CACNG5: variants seen among roughly 807,000 people sequenced by gnomAD.
CACNG5 encodes the protein calcium voltage-gated channel auxiliary subunit gamma 5.
Under a neutral mutation model 24.8 loss-of-function variants are expected in CACNG5, and 18 were observed. The ratio of observed to expected loss-of-function variants is 0.73; its 90% CI spans 0.50 to 1.08. The LOEUF is 1.08. Among genes scored for constraint, CACNG5 ranks in the 50% least tolerant of loss-of-function variants. The probability of loss-of-function intolerance (pLI) is 0.00; values close to 1 mark genes in which losing one functional copy is unlikely to be tolerated. For synonymous variants in CACNG5, 157 were observed against 149.1 expected (o/e 1.05, Z -0.39); for missense variants, 349 against 367.9 (o/e 0.95, Z 0.42).
At chr17:66,839,265 C>G (rs1471944602) in intron 1 of CACNG5, among the ~76,000 whole-genome samples, 34 of 148,218 alleles carry the variant, frequency 2.3e-4, no homozygotes, top group Non-Finnish European at 3.0e-5. Flanking sequence ...TGGCCACCCC[C>G]ACCCATTCTG....
intron 1 of CACNG5, among the ~76,000 whole-genome samples, chr17:66,841,985 C>A (rs1490074404): frequency 6.6e-6 from 1 of 152,196 alleles, no homozygotes; most frequent in Admixed American, 6.5e-5. Context: ...TGGAGCCAAG[C>A]AAGGAATCAG....
intron 1 of CACNG5, among the ~76,000 whole-genome samples, chr17:66,872,443 G>A (rs1342972841): frequency 3.3e-5 from 5 of 152,160 alleles, no homozygotes; most frequent in Middle Eastern, 3.2e-3. Flanking sequence ...CACTGGGTGA[G>A]AGAATATGTA....
Position 66,885,839 on chromosome 17 carries a change from C to T in CACNG5, c.*599C>T, listed in dbSNP as rs1395203400. On this transcript the variant is annotated 3_prime_UTR_variant, in exon 6 of 6. Coordinates refer to ENST00000533854, the MANE Select transcript of CACNG5 (RefSeq NM_145811.3). Reference sequence around the variant, plus strand: ...TGTCCATGCTCTTCCCTCCCTGACACAGGCTGTGGTGAACTTTTTCTCCTT... The same window carrying T: ...TGTCCATGCTCTTCCCTCCCTGACATAGGCTGTGGTGAACTTTTTCTCCTT... Among the ~76,000 whole-genome samples, 1 of 152,230 alleles carries T rather than the reference C, an allele frequency of 6.6e-6. No homozygotes were observed. The highest frequency in any genetic ancestry group is 1.5e-5 in the Non-Finnish European group (1 of 68,044).
At position 66,848,237 on chromosome 17, in the gene CACNG5, A is replaced by G. The variant is rs149292856; in HGVS notation, c.-104+12987A>G. On this transcript the variant is annotated intron_variant, in intron 1 of 5. Coordinates refer to ENST00000533854, the MANE Select transcript of CACNG5 (RefSeq NM_145811.3). ...AATCCTTCCTGAGGGACGTTGCTCC[A>G]TTTCTGGGTATCCCTGTATTCTCCC... 5.0e-3 allele frequency among the ~76,000 whole-genome samples: 759 copies of G among 152,252 alleles called. 8 individuals are homozygous for G. Among genetic ancestry groups the G allele is most frequent in the African/African-American group, 0.017 (723 of 41,536 alleles).
chr17:66,869,216 T>A (rs1487183793), intron 1 of CACNG5, among the ~76,000 whole-genome samples: 1 of 152,130 alleles, frequency 6.6e-6, no homozygotes. Flanking sequence ...CCCGAGTAGC[T>A]GGGATTACAG....
intron 1 of CACNG5, among the ~76,000 whole-genome samples, chr17:66,859,178 TAA>T (rs1426971943): frequency 6.6e-6 from 1 of 152,214 alleles, no homozygotes; most frequent in Non-Finnish European, 1.5e-5. Context: ...TCATCCATTG[TAA>T]AGTTTTTTTC....
intron 1 of CACNG5, among the ~76,000 whole-genome samples, chr17:66,858,362 AGCAGCTCT>A (rs1180907676): frequency 6.6e-6 from 1 of 152,104 alleles, no homozygotes; most frequent in Non-Finnish European, 1.5e-5. Context: ...ACATCCTTAT[AGCAGCTCT>A]GCAGAGGGAC....
intron 1 of CACNG5, among the ~76,000 whole-genome samples, chr17:66,845,645 G>T (rs1439097653): frequency 6.6e-6 from 1 of 151,992 alleles, no homozygotes; most frequent in Non-Finnish European, 1.5e-5. Flanking sequence ...GCCAACATCG[G>T]TGCCTTCCCA....
chr17:66,852,482 G>T (rs1976719451), intron 1 of CACNG5, among the ~76,000 whole-genome samples: 1 of 151,992 alleles, frequency 6.6e-6, no homozygotes. Flanking sequence ...AAAGAAACAG[G>T]CCCACATGGT....
At chr17:66,881,853 G>A (rs1977162366) in intron 4 of CACNG5, among the ~76,000 whole-genome samples, 1 of 152,128 alleles carries the variant, frequency 6.6e-6, no homozygotes, top group Non-Finnish European at 1.5e-5. Context: ...GGAGGATGAA[G>A]CACTGGGGGA....
rs747327644 is a variant in CACNG5 at position 66,884,556 on chromosome 17, C to T, written c.465C>T (p.Ser155=). Residue 155 remains serine, a synonymous_variant, in exon 5 of 6, where the codon AGC becomes AGT. Transcript: ENST00000533854. ...LVVGLVLYIS[S]INDEMLNRTK... is the part of the protein sequence containing the mutation. ...TGGGCCTGGTGCTCTACATCTCCAG[C>T]ATCAACGATGAGATGCTCAACAGGA... 6.2e-7 allele frequency: 1 copy of T among 1,613,888 alleles called. No individual in the cohort carries two copies. The highest frequency in any genetic ancestry group is 8.5e-7 in the Non-Finnish European group (1 of 1,179,872).
At chr17:66,874,522 A>T (rs902484698) in intron 1 of CACNG5, among the ~76,000 whole-genome samples, 1 of 152,232 alleles carries the variant, frequency 6.6e-6, no homozygotes, top group African/African-American at 2.4e-5. Flanking sequence ...CTGAGGCTTT[A>T]TAACAACTGT....
rs1439196872 is a variant in CACNG5 at position 66,888,006 on chromosome 17, C to A, written c.*2766C>A. Among the ~76,000 whole-genome samples the A allele has an allele frequency of 6.6e-6, 1 of 152,002 alleles. No individual in the cohort carries two copies. Among genetic ancestry groups the A allele is most frequent in the Non-Finnish European group, 1.5e-5 (1 of 68,006 alleles). ...CAACTCAGAAATCATAAATTAGGGTCTCTTCTTCAATATACATTCTGATCT... is the reference window on the plus strand; with the variant it reads ...CAACTCAGAAATCATAAATTAGGGTATCTTCTTCAATATACATTCTGATCT... On this transcript the variant is annotated 3_prime_UTR_variant, in exon 6 of 6. Transcript: ENST00000533854.
At chr17:66,844,593 G>A (rs1014565384) in intron 1 of CACNG5, among the ~76,000 whole-genome samples, 1 of 152,222 alleles carries the variant, frequency 6.6e-6, no homozygotes, top group African/African-American at 2.4e-5. Context: ...CTCAGCTGAA[G>A]TTTGTGGCTG....
At chr17:66,867,708 C>T (rs1976949930) in intron 1 of CACNG5, among the ~76,000 whole-genome samples, 1 of 152,138 alleles carries the variant, frequency 6.6e-6, no homozygotes, top group African/African-American at 2.4e-5. Context: ...GTTTTCCAAG[C>T]ACTGTTTATT....
In CACNG5 at chr17:66,877,376, T is replaced by A. The variant is rs756500253; in HGVS notation, c.44T>A (p.Val15Asp). ...AAGGCCCTGACCCTGCTGAGCAGTG[T>A]CTTTGCTGTCTGTGGCTTGGGCCTC... ...GRKALTLLSS[V>D]FAVCGLGLLG... The change falls in exon 2 of 6, where the codon GTC becomes GAC. Residue 15 changes from valine (V) to aspartate (D), a missense_variant. Val to Asp is a radical substitution (Grantham distance 152). Coordinates refer to ENST00000533854, the MANE Select transcript of CACNG5 (RefSeq NM_145811.3). 2.5e-6 allele frequency: 4 copies of A among 1,613,980 alleles called. No individual in the cohort carries two copies. The African/African-American group carries it at 5.3e-5, about 22-fold the overall frequency.
chr17:66,882,190 A>G (rs892183629), intron 4 of CACNG5, among the ~76,000 whole-genome samples: 2 of 152,194 alleles, frequency 1.3e-5, no homozygotes, highest in Admixed American at 1.3e-4. Context: ...TAAACTCAAC[A>G]GAACTAGGAT....
intron 1 of CACNG5, among the ~76,000 whole-genome samples, chr17:66,844,163 T>G (rs929916578): frequency 6.6e-6 from 1 of 152,216 alleles, no homozygotes; most frequent in Non-Finnish European, 1.5e-5. Context: ...GTCAAAGTCT[T>G]TATAAGCATC....
intron 1 of CACNG5, among the ~76,000 whole-genome samples, chr17:66,865,583 G>A (rs930694771): frequency 2.6e-5 from 4 of 151,514 alleles, no homozygotes; most frequent in Non-Finnish European, 2.9e-5. Flanking sequence ...TCAGGCATCA[G>A]GGGTAAAAAA....
Sources: gnomAD v4.1 joint callset for allele counts (sites outside exome capture counted in the v4.1 genomes callset) on GRCh38, gnomAD v4.1.1 for gene constraint, MANE v1.5 for transcripts, NCBI Gene and HGNC (gene_info 2026-07-23, HGNC 2026-07-21) for gene names.